Variants in FHOD3 observed in about 807,000 individuals in gnomAD.
The protein encoded by FHOD3 is formin homology 2 domain containing 3.
FHOD3 carries 90 observed loss-of-function variants against 173.0 expected under a neutral mutation model. That is an observed-to-expected ratio of 0.52 (90% CI 0.44 to 0.62). The LOEUF is 0.62. Ranked by LOEUF, FHOD3 falls within the 20% of genes least tolerant of loss-of-function variation. FHOD3 has a pLI of 0.00. For synonymous variants in FHOD3, 828 were observed against 823.0 expected (o/e 1.01, Z -0.10); for missense variants, 1,945 against 2,034.7 (o/e 0.96, Z 0.85).
chr18:36,297,811 C>T lies in FHOD3; in HGVS notation c.-25C>T, dbSNP rs568546262. On this transcript the variant is annotated 5_prime_UTR_variant, in exon 1 of 29. Transcript: ENST00000590592. ...CCGCGGCCCCGCTAACCCCGGGGCC[C>T]GCGCCCCCGCGGCAGGGATGCATCA... 3.3e-6 allele frequency: 5 copies of T among 1,494,154 alleles called. 1 individual carries two copies. Among genetic ancestry groups the T allele is most frequent in the Middle Eastern group, 3.4e-4 (2 of 5,820 alleles). 92.6% of individuals were successfully genotyped at this position (1,494,154 alleles called of 1,614,324 possible).
At chr18:36,388,687 A>C (rs1400088791) in intron 3 of FHOD3, among the ~76,000 whole-genome samples, 1 of 152,170 alleles carries the variant, frequency 6.6e-6, no homozygotes, top group African/African-American at 2.4e-5. Flanking sequence ...CTCTGTCCTG[A>C]GGGCAGAGCC....
intron 5 of FHOD3, among the ~76,000 whole-genome samples, chr18:36,548,825 T>C (rs893139329): frequency 3.3e-5 from 5 of 152,236 alleles, no homozygotes; most frequent in African/African-American, 1.2e-4. Flanking sequence ...TATCCATACA[T>C]GTTTTGGTGG....
At chr18:36,740,925 A>T in intron 21 of FHOD3, 87 bp downstream of exon 21, 1 of 1,304,488 alleles carries the variant, frequency 7.7e-7, no homozygotes, top group Non-Finnish European at 1.0e-6. Context: ...AAGGCAGTGA[A>T]ATATCATTCT....
At chr18:36,374,535 A>G (rs948001709) in intron 3 of FHOD3, among the ~76,000 whole-genome samples, 1 of 152,260 alleles carries the variant, frequency 6.6e-6, no homozygotes, top group Admixed American at 6.5e-5. Flanking sequence ...AAGACTCAAA[A>G]TTAGTCACTA....
intron 28 of FHOD3, 29 bp from the exon 29 acceptor site, chr18:36,779,419 T>G (rs1186223949): frequency 6.2e-7 from 1 of 1,609,692 alleles, no homozygotes. Context: ...TTCTCATCCC[T>G]TTGGGTGTGA....
rs2048556093 is a variant in FHOD3 at position 36,396,385 on chromosome 18, C to G, written c.337+23641C>G. ...TAGGTGTGTGTTAGACCTTCTTTGC[C>G]TACCTGCAGTGATTCTGTTTCTCTT... On this transcript the variant is annotated intron_variant, in intron 3 of 28. Coordinates refer to ENST00000590592, the MANE Select transcript of FHOD3 (RefSeq NM_001281740.3). Among the ~76,000 whole-genome samples, 7 of 152,232 alleles carry G rather than the reference C, an allele frequency of 4.6e-5. No homozygotes were observed. In the South Asian group the frequency reaches 1.5e-3, roughly 32 times the overall value.
chr18:36,662,864 T>C (rs186403121), intron 14 of FHOD3, among the ~76,000 whole-genome samples: 23 of 152,336 alleles, frequency 1.5e-4, no homozygotes, highest in Middle Eastern at 3.4e-3. Flanking sequence ...TATATCCCTC[T>C]TTCCTCAATC....
chr18:36,747,141 T>A lies in FHOD3; in HGVS notation c.4232+6T>A. On this transcript the variant is annotated splice_donor_region_variant and intron_variant, in intron 24 of 28. Transcript: ENST00000590592. The stretch of plus-strand genomic sequence containing the variant: ...CATAGAAGGATAATCAACAGGTAAG[T>A]GGATTGAGGAACTTATAGAAATATC... 5 of 1,596,174 alleles carry A rather than the reference T, an allele frequency of 3.1e-6. No homozygotes were observed. The highest frequency in any genetic ancestry group is 4.3e-6 in the Non-Finnish European group (5 of 1,171,642).
chr18:36,506,448 G>A (rs920542190), intron 4 of FHOD3, among the ~76,000 whole-genome samples: 9 of 152,184 alleles, frequency 5.9e-5, no homozygotes, highest in African/African-American at 2.2e-4. Context: ...TGAACAAGTG[G>A]TGACTTTGAA....
intron 1 of FHOD3, among the ~76,000 whole-genome samples, chr18:36,338,099 T>C (rs1220284413): frequency 6.6e-6 from 1 of 152,228 alleles, no homozygotes; most frequent in African/African-American, 2.4e-5. Flanking sequence ...CTGCTGACCT[T>C]GAAATCCTCT....
intron 6 of FHOD3, among the ~76,000 whole-genome samples, chr18:36,584,951 G>T (rs974311011): frequency 2.6e-5 from 4 of 151,892 alleles, no homozygotes; most frequent in African/African-American, 9.7e-5. Context: ...ACCACATAAA[G>T]ATCATCATTT....
intron 9 of FHOD3, among the ~76,000 whole-genome samples, chr18:36,623,788 A>G (rs2033889714): frequency 6.6e-6 from 1 of 152,188 alleles, no homozygotes; most frequent in Non-Finnish European, 1.5e-5. Flanking sequence ...AGCTGGTGGA[A>G]ACAGGGTAGG....
intron 5 of FHOD3, among the ~76,000 whole-genome samples, chr18:36,523,049 A>G (rs2056348958): frequency 1.3e-5 from 2 of 152,330 alleles, no homozygotes; most frequent in Admixed American, 1.3e-4. Flanking sequence ...TTCTGGAGCC[A>G]GTTCCCACAG....
intron 5 of FHOD3, among the ~76,000 whole-genome samples, chr18:36,517,573 C>T (rs1175794750): frequency 2.0e-5 from 3 of 152,206 alleles, no homozygotes; most frequent in African/African-American, 7.2e-5. Context: ...GAAACTGCCT[C>T]TTCGGGCTAG....
At chr18:36,517,426 C>T (rs1000580426) in intron 5 of FHOD3, among the ~76,000 whole-genome samples, 14 of 152,044 alleles carry the variant, frequency 9.2e-5, no homozygotes, top group African/African-American at 3.1e-4. Flanking sequence ...CCCTGCATGG[C>T]ATGTTTTATA....
intron 5 of FHOD3, among the ~76,000 whole-genome samples, chr18:36,518,938 A>G (rs1037435960): frequency 2.0e-5 from 3 of 152,134 alleles, no homozygotes; most frequent in Non-Finnish European, 4.4e-5. Flanking sequence ...AACCAGCCAC[A>G]CTGCCCAGGA....
chr18:36,365,148 C>G (rs976285018), intron 2 of FHOD3, among the ~76,000 whole-genome samples: 1 of 152,090 alleles, frequency 6.6e-6, no homozygotes, highest in Non-Finnish European at 1.5e-5. Context: ...ATGAAACTCC[C>G]AGAGGAAAAC....
At chr18:36,431,121 C>A (rs903739149) in intron 3 of FHOD3, among the ~76,000 whole-genome samples, 2 of 152,166 alleles carry the variant, frequency 1.3e-5, no homozygotes, top group Admixed American at 1.3e-4. Flanking sequence ...GCATGTCCTG[C>A]CTCTTGGGCT....
At chr18:36,599,856 CATTCTT>C (rs1364901195) in intron 7 of FHOD3, among the ~76,000 whole-genome samples, 1 of 151,022 alleles carries the variant, frequency 6.6e-6, no homozygotes, top group African/African-American at 2.4e-5. Context: ...CAACTGTAAA[CATTCTT>C]CACATAGGAC....
Sources: allele counts gnomAD v4.1 joint callset (sites outside exome capture counted in the v4.1 genomes callset), GRCh38; gene constraint gnomAD v4.1.1; transcripts MANE v1.5; gene names NCBI Gene and HGNC (gene_info 2026-07-23, HGNC 2026-07-21).